The following SOX5 variants were observed in gnomAD, a reference collection of about 807,000 sequenced individuals.
SOX5 encodes the protein SRY-box transcription factor 5.
In SOX5, 9 loss-of-function variants were observed where a neutral mutation model predicts 92.0. The ratio of observed to expected loss-of-function variants is 0.10; its 90% CI spans 0.06 to 0.17. The LOEUF (loss-of-function observed/expected upper bound fraction) is 0.17, where lower values mean the gene tolerates loss of function less well. Ranked by LOEUF, SOX5 falls within the 10% of genes least tolerant of loss-of-function variation. SOX5 has a pLI of 1.00. For missense variants in SOX5, 642 were observed against 944.5 expected (o/e 0.68, Z 4.20); for synonymous variants, 344 against 336.3 (o/e 1.02, Z -0.25).
chr12:23,563,678 A>T (rs1419820519), intron 10 of SOX5, among the ~76,000 whole-genome samples: 1 of 152,182 alleles, frequency 6.6e-6, no homozygotes, highest in Non-Finnish European at 1.5e-5. Flanking sequence ...GAAGTTGAAA[A>T]CCTAATTTTT....
At chr12:24,345,146 G>A (rs1401272472) in intron 2 of SOX5, among the ~76,000 whole-genome samples, 2 of 152,074 alleles carry the variant, frequency 1.3e-5, no homozygotes, top group Non-Finnish European at 2.9e-5. Context: ...AGGTGAAACA[G>A]GCCATAACTT....
At chr12:24,006,410 T>A (rs942398148) in intron 4 of SOX5, among the ~76,000 whole-genome samples, 49 of 152,302 alleles carry the variant, frequency 3.2e-4, no homozygotes, top group African/African-American at 1.1e-3. Flanking sequence ...TTTATCATGG[T>A]CCCCTTATTT....
intron 3 of SOX5, among the ~76,000 whole-genome samples, chr12:23,839,990 CAAAAAAA>C (rs142394109): frequency 3.3e-5 from 4 of 121,854 alleles, no homozygotes; most frequent in African/African-American, 9.5e-5. Flanking sequence ...CTCAAGAAGA[CAAAAAAA>C]AAAAAAAAAA....
chr12:23,626,636 G>A (rs1009749418), intron 8 of SOX5, among the ~76,000 whole-genome samples: 2 of 148,056 alleles, frequency 1.4e-5, no homozygotes, highest in African/African-American at 5.0e-5. Flanking sequence ...GTTTCCTTCT[G>A]GGGATTTCTG....
At chr12:23,916,593 A>G (rs1322485373) in intron 1 of SOX5, among the ~76,000 whole-genome samples, 5 of 152,202 alleles carry the variant, frequency 3.3e-5, no homozygotes, top group African/African-American at 1.2e-4. Context: ...GATAATGTGG[A>G]TAAATATAAG....
intron 3 of SOX5, among the ~76,000 whole-genome samples, chr12:24,274,165 A>AATCTCACC (rs1850119882): frequency 6.6e-6 from 1 of 152,190 alleles, no homozygotes; most frequent in African/African-American, 2.4e-5. Flanking sequence ...CATTCAACTA[A>AATCTCACC]ATCTCACCAA....
intron 1 of SOX5, among the ~76,000 whole-genome samples, chr12:24,455,918 C>T (rs1458173797): frequency 6.6e-6 from 1 of 152,174 alleles, no homozygotes; most frequent in African/African-American, 2.4e-5. Context: ...ACCTCAGCTA[C>T]GAACAGCTCT....
intron 4 of SOX5, among the ~76,000 whole-genome samples, chr12:24,171,241 G>GT (rs1954110727): frequency 2.0e-5 from 1 of 50,622 alleles, no homozygotes; most frequent in Non-Finnish European, 3.8e-5. Flanking sequence ...TTTTTTTTTT[G>GT]GAGACAGAGT....
At chr12:23,876,364 A>G (rs932406793) in intron 2 of SOX5, among the ~76,000 whole-genome samples, 6 of 152,222 alleles carry the variant, frequency 3.9e-5, no homozygotes, top group Admixed American at 1.3e-4. Flanking sequence ...CAGGCAATAA[A>G]CATATGAAAA....
chr12:23,968,901 A>G (rs937588623), intron 4 of SOX5, among the ~76,000 whole-genome samples: 1 of 151,992 alleles, frequency 6.6e-6, no homozygotes, highest in African/African-American at 2.4e-5. Context: ...CCACTAGGCA[A>G]TTTTATCTGT....
chr12:24,104,401 C>T (rs1315043358), intron 4 of SOX5, among the ~76,000 whole-genome samples: 2 of 152,108 alleles, frequency 1.3e-5, no homozygotes, highest in African/African-American at 4.8e-5. Context: ...CTAGAGGTAA[C>T]TTCTGGGAAA....
chr12:24,268,646 G>A (rs1481120303), intron 3 of SOX5, among the ~76,000 whole-genome samples: 1 of 152,198 alleles, frequency 6.6e-6, no homozygotes, highest in Admixed American at 6.5e-5. Context: ...CAAGAGAAAT[G>A]TGGATGAAAT....
chr12:23,610,782 A>G (rs1444229785), intron 8 of SOX5, among the ~76,000 whole-genome samples: 1 of 152,160 alleles, frequency 6.6e-6, no homozygotes, highest in East Asian at 1.9e-4. Context: ...GTAAATTAAT[A>G]ACCTCATTGT....
chr12:24,447,896 T>C (rs1047803066), intron 1 of SOX5, among the ~76,000 whole-genome samples: 3 of 152,082 alleles, frequency 2.0e-5, no homozygotes, highest in Non-Finnish European at 2.9e-5. Context: ...TGTTCTTAAG[T>C]GTGGCCGGGC....
intron 8 of SOX5, among the ~76,000 whole-genome samples, chr12:23,633,946 A>G (rs1264072555): frequency 6.6e-6 from 1 of 152,148 alleles, no homozygotes; most frequent in African/African-American, 2.4e-5. Context: ...ACCCACTGTT[A>G]TGGTAAGATA....
At chr12:23,999,177 T>TGTGTGTGTGTGTGC (rs1569452779) in intron 4 of SOX5, among the ~76,000 whole-genome samples, 38 of 139,988 alleles carry the variant, frequency 2.7e-4, no homozygotes, top group African/African-American at 1.0e-3. Context: ...TGTGTGTGTG[T>TGTGTGTGTGTGTGC]ACCATTGCTT....
intron 4 of SOX5, among the ~76,000 whole-genome samples, chr12:23,963,395 A>G (rs1185426086): frequency 2.6e-5 from 4 of 152,200 alleles, no homozygotes; most frequent in African/African-American, 7.2e-5. Flanking sequence ...ATTCCAGTCA[A>G]ATTCCAGTCA....
rs1176712775 is a variant in SOX5, at chr12:23,600,200, T to C, written c.1164+4187A>G. Reference sequence around the variant, plus strand: ...TTTTTATAATTTTCATTAAACAGGATCTCCTGTCATAAAAGTTCAAGGTTT... The same window carrying C: ...TTTTTATAATTTTCATTAAACAGGACCTCCTGTCATAAAAGTTCAAGGTTT... On this transcript the variant is annotated intron_variant, in intron 9 of 14. Transcript: ENST00000451604. Among the ~76,000 whole-genome samples, 4 of 152,104 alleles carry C rather than the reference T, an allele frequency of 2.6e-5. No homozygotes were observed. The East Asian group carries it at 5.8e-4, about 22-fold the overall frequency.
chr12:24,065,673 AAAAAAG>A (rs913879241), intron 4 of SOX5, among the ~76,000 whole-genome samples: 10 of 151,304 alleles, frequency 6.6e-5, no homozygotes, highest in Non-Finnish European at 8.9e-5. Flanking sequence ...AAAAGAAAAG[AAAAAAG>A]AAAAAGAAAA....
Sources: allele counts gnomAD v4.1 joint callset (sites outside exome capture counted in the v4.1 genomes callset), GRCh38; gene constraint gnomAD v4.1.1; transcripts MANE v1.5; gene names NCBI Gene and HGNC (gene_info 2026-07-23, HGNC 2026-07-21).